Variants in TCF15 observed in about 807,000 individuals in gnomAD.
The protein encoded by TCF15 is TCF-15.
In TCF15, 7 loss-of-function variants were observed where a neutral mutation model predicts 11.1. The ratio of observed to expected loss-of-function variants is 0.63; its 90% CI spans 0.36 to 1.19. The LOEUF is 1.19. Ranked by LOEUF, TCF15 falls within the 50% of genes most tolerant of loss-of-function variation. The pLI is 0.02. For missense variants in TCF15, 288 were observed against 289.4 expected (o/e 1.00, Z 0.03); for synonymous variants, 144 against 138.9 (o/e 1.04, Z -0.26).
chr20:609,727 T>TGCTGAGGCAGAAGGTGC lies in TCF15; in HGVS notation c.494_510dup (p.Asn171AlafsTer22). ...AGCACACTCACCCCCTTGCGCTGGT[T>TGCTGAGGCAGAAGGTGC]GCTGAGGCAGAAGGTGCAGATGGAG... On this transcript the variant is annotated frameshift_variant, in exon 1 of 2. Transcript: ENST00000246080. LOFTEE classifies it high-confidence loss of function. The surrounding 1 kb of genome is among the most constrained non-coding windows in gnomAD (Gnocchi z 4.7). The TGCTGAGGCAGAAGGTGC allele has an allele frequency of 7.2e-7, 1 of 1,391,508 alleles. No individual in the cohort carries two copies. Among genetic ancestry groups the TGCTGAGGCAGAAGGTGC allele is most frequent in the South Asian group, 1.7e-5 (1 of 60,232 alleles). The allele number at this position is 1,391,508 out of a possible 1,614,324, so 86.2% of individuals were successfully genotyped here. A position where few individuals can be genotyped will look rare whatever the true frequency, so the allele number is the denominator to read the frequency against.
Position 609,598 on chromosome 20 carries a change from A to C in TCF15, c.525+115T>G. On this transcript the variant is annotated intron_variant, in intron 1 of 1. Coordinates refer to ENST00000246080, the MANE Select transcript of TCF15 (RefSeq NM_004609.4). This position sits in a 1 kb window ranked among gnomAD's most constrained non-coding sequence, Gnocchi z 4.7. ...GGGTGCCGCACCCAGCACGAATTCC[A>C]CGTCGCTTCCCCCTGGCCTCGTTGG... 1 of 1,213,256 alleles carries C rather than the reference A, an allele frequency of 8.2e-7. No homozygotes were observed. 75.2% of individuals were successfully genotyped at this position (1,213,256 alleles called of 1,614,324 possible).
chr20:607,938 A>T (rs1424403814), intron 1 of TCF15, among the ~76,000 whole-genome samples: 1 of 152,218 alleles, frequency 6.6e-6, no homozygotes, highest in African/African-American at 2.4e-5. Flanking sequence ...GTGCTCATGA[A>T]GGCTGCTGTC....
In TCF15 at chr20:604,732, T is replaced by C. The variant is rs374584719; in HGVS notation, c.526-67A>G. On this transcript the variant is annotated intron_variant, in intron 1 of 1. Coordinates refer to ENST00000246080, the MANE Select transcript of TCF15 (RefSeq NM_004609.4). This position sits in a 1 kb window ranked among gnomAD's most constrained non-coding sequence, Gnocchi z 4.2. Reference sequence around the variant, plus strand: ...CAGTGTGAACACTGGAACTAACCTCTGTATCCCTCAAGAGGGATCCTGATC... The same window carrying C: ...CAGTGTGAACACTGGAACTAACCTCCGTATCCCTCAAGAGGGATCCTGATC... The C allele has an allele frequency of 3.2e-6, 4 of 1,253,184 alleles. No homozygotes were observed. The highest frequency in any genetic ancestry group is 5.1e-5 in the East Asian group (2 of 39,194). 77.6% of individuals were successfully genotyped at this position (1,253,184 alleles called of 1,614,324 possible).
Position 604,495 on chromosome 20 carries a change from G to A in TCF15, c.*96C>T, listed in dbSNP as rs1600448925. 3.5e-6 allele frequency: 4 copies of A among 1,149,918 alleles called. No homozygotes were observed. The highest frequency in any genetic ancestry group is 2.7e-4 in the Middle Eastern group (1 of 3,752). 71.2% of individuals were successfully genotyped at this position (1,149,918 alleles called of 1,614,324 possible). The stretch of plus-strand genomic sequence containing the variant: ...GTCCCGGAACAGGCCATGGTCCCCC[G>A]GTCCCTACACAAAGAAGGGGTGGGC... On this transcript the variant is annotated 3_prime_UTR_variant, in exon 2 of 2. Transcript: ENST00000246080. The surrounding 1 kb of genome is among the most constrained non-coding windows in gnomAD (Gnocchi z 4.2).
Position 610,174 on chromosome 20 carries a change from T to C in TCF15, c.64A>G (p.Ser22Gly). Residue 22 changes from serine (S) to glycine (G), a missense_variant, in exon 1 of 2, where the codon AGC becomes GGC. Physicochemically the swap from Ser to Gly is moderately conservative, Grantham distance 56. Transcript: ENST00000246080. ...TCGCTGCGGTTCTCCTCGTCCTCGC[T>C]CAGCAGCCGCACGTCCGGGTACAGC... The part of the protein sequence containing the change: ...HVLYPDVRLL[S>G]EDEENRSESD... The C allele has an allele frequency of 9.5e-7, 1 of 1,055,034 alleles. No individual in the cohort carries two copies. The highest frequency in any genetic ancestry group is 1.1e-6 in the Non-Finnish European group (1 of 869,648). 65.4% of individuals were successfully genotyped at this position (1,055,034 alleles called of 1,614,324 possible). A position where few individuals can be genotyped will look rare whatever the true frequency, so the allele number is the denominator to read the frequency against.
rs45512702 is a variant in TCF15 at position 608,588 on chromosome 20, A to G, written c.525+1125T>C. Among the ~76,000 whole-genome samples the G allele has an allele frequency of 2.7e-3, 409 of 152,326 alleles. 2 individuals carry two copies. Among genetic ancestry groups the G allele is most frequent in the African/African-American group, 9.4e-3 (391 of 41,580 alleles). The stretch of plus-strand genomic sequence containing the variant: ...CAAGTGTTGAGCAACCAGGCTGGAT[A>G]TCTGATGAGCCAGACAGAGGGTGGT... On this transcript the variant is annotated intron_variant, in intron 1 of 1. Transcript: ENST00000246080.
intron 1 of TCF15, among the ~76,000 whole-genome samples, chr20:607,790 A>C (rs45509897): frequency 0.058 from 8,886 of 152,260 alleles, 368 homozygotes; most frequent in Non-Finnish European, 0.088. Flanking sequence ...CCTGAGTTTG[A>C]ATCCTGGTTC....
chr20:609,716 C>T lies in TCF15; in HGVS notation c.522G>A (p.Lys174=), dbSNP rs1348105536. ...GCGAGGGACGCAGCACACTCACCCC[C>T]TTGCGCTGGTTGCTGAGGCAGAAGG... is the stretch of plus-strand genomic sequence containing the variant. ...ICTFCLSNQR[K]GGGRRDLGGS... The change falls in exon 1 of 2, where the codon AAG becomes AAA. Residue 174 remains lysine, a synonymous_variant. Transcript: ENST00000246080. This position sits in a 1 kb window ranked among gnomAD's most constrained non-coding sequence, Gnocchi z 4.7. 1.4e-6 allele frequency: 2 copies of T among 1,383,424 alleles called. No homozygotes were observed. Among genetic ancestry groups the T allele is most frequent in the African/African-American group, 1.5e-5 (1 of 65,544 alleles). 85.7% of individuals were successfully genotyped at this position (1,383,424 alleles called of 1,614,324 possible).
Position 609,755 on chromosome 20 carries a change from C to G in TCF15, c.483G>C (p.Pro161=). The stretch of plus-strand genomic sequence containing the variant: ...TGAGGCAGAAGGTGCAGATGGAGCG[C>G]GGCTGGCGGCCGCCGTCGGCGGCGG... ...VPAAADGGRQ[P]RSICTFCLSN... is the part of the protein sequence containing the mutation. The change falls in exon 1 of 2, where the codon CCG becomes CCC. Residue 161 remains proline (P), a synonymous_variant. Transcript: ENST00000246080. The surrounding 1 kb of genome is among the most constrained non-coding windows in gnomAD (Gnocchi z 4.7). 7.1e-7 allele frequency: 1 copy of G among 1,404,444 alleles called. No individual in the cohort carries two copies. The highest frequency in any genetic ancestry group is 9.2e-7 in the Non-Finnish European group (1 of 1,091,514). The allele number at this position is 1,404,444 out of a possible 1,614,324, so 87.0% of individuals were successfully genotyped here.
chr20:610,161 T>C lies in TCF15; in HGVS notation c.77A>G (p.Glu26Gly), dbSNP rs780824606. 36 of 1,049,484 alleles carry C rather than the reference T, an allele frequency of 3.4e-5. No homozygotes were observed. The Admixed American group carries it at 1.6e-3, about 46-fold the overall frequency. The allele number at this position is 1,049,484 out of a possible 1,614,324, so 65.0% of individuals were successfully genotyped here. The part of the protein sequence containing the change: ...PDVRLLSEDE[E>G]NRSESDASDQ... ...CGACGCGTCGCTCTCGCTGCGGTTCTCCTCGTCCTCGCTCAGCAGCCGCAC... is the reference window on the plus strand; with the variant it reads ...CGACGCGTCGCTCTCGCTGCGGTTCCCCTCGTCCTCGCTCAGCAGCCGCAC... The change falls in exon 1 of 2, where the codon GAG becomes GGG. Residue 26 changes from glutamate to glycine, a missense_variant. By Grantham distance (98) the Glu-to-Gly change is moderately conservative. Transcript: ENST00000246080.
chr20:606,698 A>C (rs956862988), intron 1 of TCF15, among the ~76,000 whole-genome samples: 3 of 151,968 alleles, frequency 2.0e-5, no homozygotes, highest in Non-Finnish European at 2.9e-5. Context: ...GGCACCTGTA[A>C]TCCCAGCTAC....
chr20:607,815 T>G (rs2019989609), intron 1 of TCF15, among the ~76,000 whole-genome samples: 1 of 152,226 alleles, frequency 6.6e-6, no homozygotes, highest in Non-Finnish European at 1.5e-5. Context: ...ACTGACTGTG[T>G]GTCTCTGCGC....
rs2020009467 is a variant in TCF15 at position 609,946 on chromosome 20, G to A, written c.292C>T (p.Leu98Phe). Residue 98 changes from leucine to phenylalanine, a missense_variant, in exon 1 of 2, where the codon CTC becomes TTC. Transcript: ENST00000246080. The surrounding 1 kb of genome is among the most constrained non-coding windows in gnomAD (Gnocchi z 4.7). The stretch of plus-strand genomic sequence containing the variant: ...CGGTCCACCGGCTCGGTGGGGATGA[G>A]CGTGCGCAGCGCCGTGAAGGCCGTG... The part of the protein sequence containing the change: ...VNTAFTALRT[L>F]IPTEPVDRKL... The A allele has an allele frequency of 6.7e-7, 1 of 1,500,336 alleles. No individual in the cohort carries two copies. Among genetic ancestry groups the A allele is most frequent in the Non-Finnish European group, 8.8e-7 (1 of 1,133,104 alleles). The allele number at this position is 1,500,336 out of a possible 1,614,324, so 92.9% of individuals were successfully genotyped here.
intron 1 of TCF15, among the ~76,000 whole-genome samples, chr20:606,689 G>GCA (rs2019978265): frequency 6.6e-6 from 1 of 152,022 alleles, no homozygotes; most frequent in Non-Finnish European, 1.5e-5. Context: ...GTGGTGGCTG[G>GCA]CACCTGTAAT....
In TCF15 at chr20:609,405, C is replaced by T. The variant is rs945793059; in HGVS notation, c.525+308G>A. 5.9e-5 allele frequency among the ~76,000 whole-genome samples: 9 copies of T among 152,216 alleles called. No homozygotes were observed. The highest frequency in any genetic ancestry group is 5.9e-4 in the Admixed American group (9 of 15,288). ...GAGGAAGACTCCATAAAAGATGGGT[C>T]TTTGTTACTCAGTCCTCATGCCGTC... On this transcript the variant is annotated intron_variant, in intron 1 of 1. Coordinates refer to ENST00000246080, the MANE Select transcript of TCF15 (RefSeq NM_004609.4). This position sits in a 1 kb window ranked among gnomAD's most constrained non-coding sequence, Gnocchi z 4.7.
In TCF15 at chr20:610,016, C is replaced by T; in HGVS notation, c.222G>A (p.Arg74=). ...GAGPVVVVRQ[R]QAANARERDR... ...CCCGCTCCCGCGCGTTGGCCGCCTG[C>T]CGCTGTCGCACCACCACCACGGGGC... Residue 74 remains arginine, a synonymous_variant, in exon 1 of 2, where the codon CGG becomes CGA. Transcript: ENST00000246080. The T allele has an allele frequency of 7.5e-7, 1 of 1,326,380 alleles. No individual in the cohort carries two copies. Among genetic ancestry groups the T allele is most frequent in the African/African-American group, 1.5e-5 (1 of 66,196 alleles). The allele number at this position is 1,326,380 out of a possible 1,614,324, so 82.2% of individuals were successfully genotyped here. A position where few individuals can be genotyped will look rare whatever the true frequency, so the allele number is the denominator to read the frequency against.
At position 609,886 on chromosome 20, in the gene TCF15, A is replaced by C; in HGVS notation, c.352T>G (p.Ser118Ala). 6.5e-7 allele frequency: 1 copy of C among 1,528,038 alleles called. No individual in the cohort carries two copies. The highest frequency in any genetic ancestry group is 8.7e-7 in the Non-Finnish European group (1 of 1,148,188). The allele number at this position is 1,528,038 out of a possible 1,614,324, so 94.7% of individuals were successfully genotyped here. ...LSKIETVRLA[S>A]SYIAHLANVL... is the part of the protein sequence containing the mutation. Reference sequence around the variant, plus strand: ...TTGGCCAGGTGCGCGATGTAGCTGGACGCCAGGCGCACGGTCTCGATCTTG... The same window carrying C: ...TTGGCCAGGTGCGCGATGTAGCTGGCCGCCAGGCGCACGGTCTCGATCTTG... Residue 118 changes from serine to alanine, a missense_variant, in exon 1 of 2, where the codon TCC (serine) becomes GCC (alanine). Coordinates refer to ENST00000246080, the MANE Select transcript of TCF15 (RefSeq NM_004609.4). This position sits in a 1 kb window ranked among gnomAD's most constrained non-coding sequence, Gnocchi z 4.7.
At position 609,723 on chromosome 20, in the gene TCF15, T is replaced by C; in HGVS notation, c.515A>G (p.Gln172Arg). The C allele has an allele frequency of 1.4e-6, 2 of 1,386,520 alleles. No homozygotes were observed. Among genetic ancestry groups the C allele is most frequent in the Non-Finnish European group, 1.8e-6 (2 of 1,083,380 alleles). 85.9% of individuals were successfully genotyped at this position (1,386,520 alleles called of 1,614,324 possible). A position where few individuals can be genotyped will look rare whatever the true frequency, so the allele number is the denominator to read the frequency against. The stretch of plus-strand genomic sequence containing the variant: ...ACGCAGCACACTCACCCCCTTGCGC[T>C]GGTTGCTGAGGCAGAAGGTGCAGAT... ...RSICTFCLSN[Q>R]RKGGGRRDLG... Residue 172 changes from glutamine (Q) to arginine (R), a missense_variant, in exon 1 of 2, where the codon CAG becomes CGG. Gln to Arg is a conservative substitution (Grantham distance 43). Transcript: ENST00000246080. This position sits in a 1 kb window ranked among gnomAD's most constrained non-coding sequence, Gnocchi z 4.7.
intron 1 of TCF15, among the ~76,000 whole-genome samples, chr20:606,939 C>T (rs1164397583): frequency 1.3e-5 from 2 of 152,130 alleles, no homozygotes; most frequent in African/African-American, 2.4e-5. Context: ...CAGACCTAGG[C>T]TTCGATCCCT....
Sources: gnomAD v4.1 joint callset for allele counts (sites outside exome capture counted in the v4.1 genomes callset) on GRCh38, gnomAD v4.1.1 for gene constraint, Gnocchi (gnomAD v3.1) non-coding constraint, MANE v1.5 for transcripts, NCBI Gene and HGNC (gene_info 2026-07-23, HGNC 2026-07-21) for gene names.